SFMBT2: variants seen among roughly 807,000 people sequenced by gnomAD.
SFMBT2 encodes Scm like with four mbt domains 2, also known as scm-like with four MBT domains protein 2.
SFMBT2 carries 38 observed loss-of-function variants against 110.1 expected under a neutral mutation model. That is an observed-to-expected ratio of 0.35 (90% CI 0.27 to 0.45). The LOEUF is 0.45. Among genes scored for constraint, SFMBT2 ranks in the 20% least tolerant of loss-of-function variants. The pLI is 1.00. For synonymous variants in SFMBT2, 425 were observed against 425.4 expected (o/e 1.00, Z 0.01); for missense variants, 1,011 against 1,094.9 (o/e 0.92, Z 1.08).
At chr10:7,189,366 C>T (rs190457364) in intron 15 of SFMBT2, 8 of 171,108 alleles carry the variant, frequency 4.7e-5, no homozygotes, top group East Asian at 3.8e-4. Context: ...AGAAAACAAG[C>T]ATGTGTCTAC....
chr10:7,179,707 C>A (rs1838189419), intron 16 of SFMBT2, among the ~76,000 whole-genome samples: 1 of 152,210 alleles, frequency 6.6e-6, no homozygotes, highest in South Asian at 2.1e-4. Flanking sequence ...CTCATCAAAC[C>A]TCCAGGTGAC....
intron 4 of SFMBT2, among the ~76,000 whole-genome samples, chr10:7,288,544 AC>A (rs1281249919): frequency 4.6e-5 from 7 of 152,128 alleles, no homozygotes. Flanking sequence ...CAAAGGCTAC[AC>A]CCTTTTTAAA....
intron 7 of SFMBT2, among the ~76,000 whole-genome samples, chr10:7,261,535 G>A (rs79793145): frequency 0.064 from 9,698 of 152,218 alleles, 407 homozygotes; most frequent in Admixed American, 0.089. Flanking sequence ...CCCTTTGCCG[G>A]GTGGGGGTTA....
At position 7,367,027 on chromosome 10, in the gene SFMBT2, G is replaced by A. The variant is rs1460616958; in HGVS notation, c.436+622C>T. On this transcript the variant is annotated intron_variant, in intron 4 of 20. Coordinates refer to ENST00000397167, the MANE Select transcript of SFMBT2 (RefSeq NM_001387889.1). This position sits in a 1 kb window ranked among gnomAD's most constrained non-coding sequence, Gnocchi z 6.2. ...ATATGGGCTTTGACCACTCCCTTGA[G>A]ACCAATGTCATTTCTCTCATCTGTA... Among the ~76,000 whole-genome samples the A allele has an allele frequency of 1.3e-5, 2 of 151,752 alleles. No individual in the cohort carries two copies. Among genetic ancestry groups the A allele is most frequent in the African/African-American group, 2.4e-5 (1 of 41,296 alleles).
In SFMBT2 at chr10:7,170,839, T is replaced by C; in HGVS notation, c.2544+89A>G. 6.7e-7 allele frequency: 1 copy of C among 1,503,634 alleles called. No homozygotes were observed. Among genetic ancestry groups the C allele is most frequent in the South Asian group, 1.2e-5 (1 of 86,286 alleles). 93.1% of individuals were successfully genotyped at this position (1,503,634 alleles called of 1,614,324 possible). A position where few individuals can be genotyped will look rare whatever the true frequency, so the allele number is the denominator to read the frequency against. ...CAGCGCCGAAGAACCCCCTCGCAGGTGTCACGAGGAAGCCGGCTAGGACAC... is the reference window on the plus strand; with the variant it reads ...CAGCGCCGAAGAACCCCCTCGCAGGCGTCACGAGGAAGCCGGCTAGGACAC... On this transcript the variant is annotated intron_variant, in intron 20 of 20. Coordinates refer to ENST00000397167, the MANE Select transcript of SFMBT2 (RefSeq NM_001387889.1). The surrounding 1 kb of genome is among the most constrained non-coding windows in gnomAD (Gnocchi z 4.6).
chr10:7,316,628 C>T (rs1324237839), intron 4 of SFMBT2, among the ~76,000 whole-genome samples: 2 of 152,198 alleles, frequency 1.3e-5, no homozygotes, highest in East Asian at 3.8e-4. Flanking sequence ...GTCACTCAAG[C>T]CCTCTGTTCA....
At chr10:7,176,414 C>T in intron 16 of SFMBT2, 2 of 910,520 alleles carry the variant, frequency 2.2e-6, no homozygotes, top group South Asian at 5.0e-5. Context: ...ATGTAGCACA[C>T]CTTCATTTTG....
chr10:7,333,215 A>G (rs1007604366), intron 4 of SFMBT2, among the ~76,000 whole-genome samples: 1 of 152,204 alleles, frequency 6.6e-6, no homozygotes, highest in African/African-American at 2.4e-5. Context: ...AGCTTTATCA[A>G]CTTGAGAGAT....
intron 7 of SFMBT2, among the ~76,000 whole-genome samples, chr10:7,265,906 C>T (rs4748799): frequency 0.75 from 113,752 of 152,046 alleles, 42,931 homozygotes; most frequent in East Asian, 0.92. Context: ...TTGGCTCTCG[C>T]AGAGCCTGCA....
intron 1 of SFMBT2, among the ~76,000 whole-genome samples, chr10:7,395,014 G>T (rs150197688): frequency 3.9e-5 from 6 of 152,306 alleles, no homozygotes; most frequent in African/African-American, 1.4e-4. Context: ...CACTAGTGTA[G>T]GTGGGTAGAG....
chr10:7,214,584 T>C, intron 11 of SFMBT2: 3 of 985,496 alleles, frequency 3.0e-6, no homozygotes, highest in Non-Finnish European at 2.4e-6. Flanking sequence ...ATCCCCATAC[T>C]GCTCCTCAAA....
At chr10:7,195,443 G>A (rs191559735) in intron 15 of SFMBT2, among the ~76,000 whole-genome samples, 4 of 152,226 alleles carry the variant, frequency 2.6e-5, no homozygotes, top group East Asian at 1.9e-4. Context: ...AGTGAGATGC[G>A]TACTGTTCGA....
chr10:7,349,440 C>CTT (rs369479041), intron 4 of SFMBT2, among the ~76,000 whole-genome samples: 12,057 of 46,730 alleles, frequency 0.26, 3,401 homozygotes, highest in East Asian at 0.4. Flanking sequence ...CTTTTCTTTT[C>CTT]TTTTTTTTTT....
intron 11 of SFMBT2, among the ~76,000 whole-genome samples, chr10:7,218,359 T>TCAAAAC (rs1839612348): frequency 6.6e-6 from 1 of 152,100 alleles, no homozygotes; most frequent in Non-Finnish European, 1.5e-5. Flanking sequence ...AGGGCCAAAA[T>TCAAAAC]CAAAACCAAA....
At position 7,171,818 on chromosome 10, in the gene SFMBT2, A is replaced by G. The variant is rs551847931; in HGVS notation, c.2415+77T>C. On this transcript the variant is annotated intron_variant, in intron 19 of 20. Transcript: ENST00000397167. The surrounding 1 kb of genome is among the most constrained non-coding windows in gnomAD (Gnocchi z 4.9). ...AGGTATTTTAAACAGGTTTCCCCAC[A>G]TCGTGGCCCTGAAGTGTAACAGGTG... The G allele has an allele frequency of 1.4e-4, 183 of 1,316,276 alleles. 2 individuals are homozygous for G. In the African/African-American group the frequency reaches 2.7e-3, roughly 19 times the overall value. 81.5% of individuals were successfully genotyped at this position (1,316,276 alleles called of 1,614,324 possible).
chr10:7,197,752 A>C, intron 14 of SFMBT2, 65 bp from the exon 15 acceptor site: 1 of 1,552,164 alleles, frequency 6.4e-7, no homozygotes, highest in South Asian at 1.2e-5. Context: ...GGACCCCTAG[A>C]CCCTTGCTTC....
At chr10:7,207,126 G>A (rs1002739910) in intron 11 of SFMBT2, among the ~76,000 whole-genome samples, 1 of 152,058 alleles carries the variant, frequency 6.6e-6, no homozygotes, top group Non-Finnish European at 1.5e-5. Flanking sequence ...TCAGGAGGCC[G>A]AGGCAGGAGG....
chr10:7,330,316 A>C (rs1397005304), intron 4 of SFMBT2, among the ~76,000 whole-genome samples: 1 of 152,190 alleles, frequency 6.6e-6, no homozygotes, highest in African/African-American at 2.4e-5. Context: ...GACTTCCGTT[A>C]AAATCACCTC....
At chr10:7,196,861 C>G (rs1282634123) in intron 15 of SFMBT2, among the ~76,000 whole-genome samples, 1 of 152,186 alleles carries the variant, frequency 6.6e-6, no homozygotes, top group South Asian at 2.1e-4. Context: ...CAAGCACTGT[C>G]TGAGGCTATG....
Sources: allele counts gnomAD v4.1 joint callset (sites outside exome capture counted in the v4.1 genomes callset), GRCh38; gene constraint gnomAD v4.1.1; non-coding constraint Gnocchi (gnomAD v3.1); transcripts MANE v1.5; gene names NCBI Gene and HGNC (gene_info 2026-07-23, HGNC 2026-07-21).